Variants in MID1 observed in about 807,000 individuals in gnomAD.
The protein encoded by MID1 is midline 1, also known as E3 ubiquitin-protein ligase Midline-1.
In MID1, 7 loss-of-function variants were observed where a neutral mutation model predicts 40.4. The observed-to-expected ratio is 0.17, with a 90% CI of 0.10 to 0.33. MID1 has a LOEUF of 0.33. Ranked by LOEUF, MID1 falls within the 10% of genes least tolerant of loss-of-function variation. The probability of loss-of-function intolerance (pLI) is 1.00; values close to 1 mark genes in which losing one functional copy is unlikely to be tolerated. For missense variants in MID1, 367 were observed against 558.5 expected, an observed-to-expected ratio of 0.66 and a Z score of 3.46; for synonymous variants, 229 against 221.2, an observed-to-expected ratio of 1.04 and a Z score of -0.31.
chrX:10,595,060 C>T (rs1043225871), intron 1 of MID1, among the ~76,000 whole-genome samples: 2 of 111,439 alleles, frequency 1.8e-5, no homozygotes, highest in African/African-American at 6.5e-5. Flanking sequence ...AATCCCTACC[C>T]AATCCCTAAA....
intron 1 of MID1, among the ~76,000 whole-genome samples, chrX:10,729,946 T>C (rs1307588979): frequency 9.1e-6 from 1 of 109,339 alleles, no homozygotes; most frequent in East Asian, 2.9e-4. Flanking sequence ...TAGCCGGGCG[T>C]GGTGGCGGGC....
chrX:10,825,688 TAGAA>T (rs2147162392), intron 1 of MID1, among the ~76,000 whole-genome samples: 1 of 111,343 alleles, frequency 9.0e-6, no homozygotes, highest in South Asian at 3.8e-4. Flanking sequence ...TGGAATGAAA[TAGAA>T]AGAATTCGCC....
intron 2 of MID1, among the ~76,000 whole-genome samples, chrX:10,536,535 T>A (rs948468461): frequency 8.9e-6 from 1 of 112,765 alleles, no homozygotes; most frequent in African/African-American, 3.2e-5. Context: ...CAAAAACTTT[T>A]AAAAACCAAG....
intron 1 of MID1, among the ~76,000 whole-genome samples, chrX:10,655,327 C>T (rs1315499177): frequency 9.0e-6 from 1 of 111,494 alleles, no homozygotes; most frequent in Non-Finnish European, 1.9e-5. Flanking sequence ...AGTATGCAAG[C>T]CAGGCCAATA....
At chrX:10,703,375 A>T (rs750219827) in intron 1 of MID1, among the ~76,000 whole-genome samples, 37 of 112,495 alleles carry the variant, frequency 3.3e-4, no homozygotes, top group African/African-American at 1.1e-3. Context: ...TGTTAAGTTT[A>T]TTATATCAGG....
Position 10,482,484 on chromosome X carries a change from C to CGAGA in MID1, c.1008_1009insTCTC (p.Glu337SerfsTer17), listed in dbSNP as rs750278576. On this transcript the variant is annotated frameshift_variant, in exon 5 of 10. Coordinates refer to ENST00000317552, the MANE Select transcript of MID1 (RefSeq NM_000381.4). LOFTEE classifies it high-confidence loss of function. ...CCCAGGGGCCCCTGCACTCACCTCT[C>CGAGA]GGTGATATTCTTAGCAGTCTGTAGG... 8.3e-7 allele frequency: 1 copy of CGAGA among 1,207,910 alleles called. No homozygotes were observed. Among genetic ancestry groups the CGAGA allele is most frequent in the East Asian group, 3.0e-5 (1 of 33,746 alleles).
At chrX:10,545,285 T>C (rs752710464) in intron 2 of MID1, among the ~76,000 whole-genome samples, 165 of 112,235 alleles carry the variant, frequency 1.5e-3, no homozygotes, top group Middle Eastern at 4.6e-3. Context: ...TTAAATTACA[T>C]GTGTACACCT....
At chrX:10,516,879 G>T (rs1932477398) in intron 3 of MID1, among the ~76,000 whole-genome samples, 1 of 110,297 alleles carries the variant, frequency 9.1e-6, no homozygotes, top group Non-Finnish European at 1.9e-5. Context: ...GCCGCCCAAA[G>T]TATGCTGGGA....
intron 1 of MID1, among the ~76,000 whole-genome samples, chrX:10,733,473 C>G (rs886789475): frequency 2.0e-4 from 22 of 111,235 alleles, no homozygotes; most frequent in African/African-American, 6.9e-4. Context: ...ATTATAAATT[C>G]AAAAGTTGTG....
chrX:10,602,243 T>TTTTTTTTTTA (rs1555909451), intron 1 of MID1, among the ~76,000 whole-genome samples: 4 of 107,929 alleles, frequency 3.7e-5, no homozygotes, highest in African/African-American at 1.4e-4. Flanking sequence ...TTTTTTTTTT[T>TTTTTTTTTTA]ACCACCAATG....
chrX:10,814,705 G>GC (rs1407397285), intron 1 of MID1, among the ~76,000 whole-genome samples: 1 of 110,238 alleles, frequency 9.1e-6, no homozygotes, highest in Non-Finnish European at 1.9e-5. Context: ...CCTCCCTCCT[G>GC]CCCCCCTATC....
chrX:10,532,696 T>C (rs1307666809), intron 2 of MID1, among the ~76,000 whole-genome samples: 4 of 111,925 alleles, frequency 3.6e-5, no homozygotes, highest in Non-Finnish European at 7.5e-5. Context: ...AAACCAGAGG[T>C]TGGCAAACTA....
At chrX:10,543,077 T>C (rs1471335938) in intron 2 of MID1, among the ~76,000 whole-genome samples, 1 of 112,370 alleles carries the variant, frequency 8.9e-6, no homozygotes, top group East Asian at 2.8e-4. Flanking sequence ...ATATTGACCA[T>C]GAGATAAATC....
At chrX:10,750,693 C>T (rs1408969615) in intron 1 of MID1, among the ~76,000 whole-genome samples, 1 of 110,786 alleles carries the variant, frequency 9.0e-6, no homozygotes, top group Non-Finnish European at 1.9e-5. Flanking sequence ...CCATCAATAT[C>T]AGGATGTGGT....
At chrX:10,579,423 G>A (rs1214013803) in intron 1 of MID1, among the ~76,000 whole-genome samples, 2 of 111,718 alleles carry the variant, frequency 1.8e-5, no homozygotes, top group African/African-American at 6.5e-5. Context: ...TATTGATGAT[G>A]GCCAATGCAA....
chrX:10,449,574 G>A lies in MID1; in HGVS notation c.1798C>T (p.His600Tyr), dbSNP rs1802191. The change falls in exon 10 of 10, where the codon CAC (histidine) becomes TAC (tyrosine). Residue 600 changes from histidine to tyrosine, a missense_variant. His to Tyr is a moderately conservative substitution (Grantham distance 83). Around this residue, in one of 3 missense-constraint regions of MID1, gnomAD observed 275 missense variants for 383.1 expected, o/e 0.72. Transcript: ENST00000317552. ...AGCAGGATGCCCACGCGCCGGAGGT[G>A]GGGGGCAGGCTCAATGGGGATTTCC... ...SKEIPIEPAP[H>Y]LRRVGILLDY... The A allele has an allele frequency of 8.3e-7, 1 of 1,209,673 alleles. No homozygotes were observed. The highest frequency in any genetic ancestry group is 1.8e-5 in the African/African-American group (1 of 57,112).
intron 1 of MID1, among the ~76,000 whole-genome samples, chrX:10,664,180 A>C: frequency 9.0e-6 from 1 of 110,584 alleles, no homozygotes; most frequent in Non-Finnish European, 1.9e-5. Flanking sequence ...GTTTGTTTTG[A>C]GACAGTGTTT....
intron 1 of MID1, among the ~76,000 whole-genome samples, chrX:10,637,412 A>C (rs1422148701): frequency 9.1e-6 from 1 of 109,449 alleles, no homozygotes; most frequent in Non-Finnish European, 1.9e-5. Flanking sequence ...GATCTATGGT[A>C]TCAGGAGTTC....
intron 1 of MID1, among the ~76,000 whole-genome samples, chrX:10,613,732 T>TATATAG (rs1482081086): frequency 1.6e-3 from 28 of 17,464 alleles, no homozygotes; most frequent in East Asian, 2.9e-3. Context: ...TATATATATA[T>TATATAG]AGAGAGAGAG....
Sources: allele counts gnomAD v4.1 joint callset (sites outside exome capture counted in the v4.1 genomes callset), GRCh38; gene constraint gnomAD v4.1.1; regional missense constraint gnomAD v4.1.1; transcripts MANE v1.5; gene names NCBI Gene and HGNC (gene_info 2026-07-23, HGNC 2026-07-21).